Variants in CNTLN observed in about 807,000 individuals in gnomAD.
CNTLN encodes the protein centlein.
Under a neutral mutation model 180.0 loss-of-function variants are expected in CNTLN, and 212 were observed. The observed-to-expected ratio is 1.18, with a 90% CI of 1.05 to 1.32. CNTLN has a LOEUF of 1.32. Among genes scored for constraint, CNTLN ranks in the 40% most tolerant of loss-of-function variants. The probability of loss-of-function intolerance (pLI) is 0.00; values close to 1 mark genes in which losing one functional copy is unlikely to be tolerated. For missense variants in CNTLN, 2,095 were observed against 1,610.9 expected, an observed-to-expected ratio of 1.30 and a Z score of -5.14; for synonymous variants, 722 against 563.1, an observed-to-expected ratio of 1.28 and a Z score of -3.99.
In CNTLN at chr9:17,457,527, C is replaced by A. The variant is rs377419161; in HGVS notation, c.3118C>A (p.Leu1040Ile). 6 of 1,441,834 alleles carry A rather than the reference C, an allele frequency of 4.2e-6. No individual in the cohort carries two copies. The African/African-American group carries it at 7.4e-5, about 18-fold the overall frequency. 89.3% of individuals were successfully genotyped at this position (1,441,834 alleles called of 1,614,324 possible). ...FQTSRQTIKKLNLDLAGLRKE... is the reference protein window; with the variant it reads ...FQTSRQTIKKINLDLAGLRKE... ...ATTTTCTTTTTTTAAAAAAAAGAAG[C>A]TAAATTTGGATTTGGCTGGGCTTCG... The change falls in exon 19 of 26, where the codon CTA becomes ATA. Residue 1040 changes from leucine to isoleucine, a missense_variant. Physicochemically the swap from Leu to Ile is conservative, Grantham distance 5. Coordinates refer to ENST00000380647, the MANE Select transcript of CNTLN (RefSeq NM_017738.4).
intron 5 of CNTLN, among the ~76,000 whole-genome samples, chr9:17,244,164 T>C (rs1336447132): frequency 1.3e-5 from 2 of 151,944 alleles, no homozygotes; most frequent in Non-Finnish European, 2.9e-5. Context: ...AATATTTTTT[T>C]CACCCTTTTA....
intron 19 of CNTLN, among the ~76,000 whole-genome samples, chr9:17,461,841 A>G (rs1831466315): frequency 6.6e-6 from 1 of 151,752 alleles, no homozygotes; most frequent in Admixed American, 6.6e-5. Context: ...AAAACTAAAT[A>G]CCAAAAAGAC....
chr9:17,213,938 G>C (rs967703453), intron 2 of CNTLN, among the ~76,000 whole-genome samples: 7 of 151,788 alleles, frequency 4.6e-5, no homozygotes, highest in African/African-American at 9.7e-5. Context: ...TATTTTGAGC[G>C]TATGTGTGTC....
chr9:17,432,817 C>G (rs1030385019), intron 18 of CNTLN, among the ~76,000 whole-genome samples: 1 of 151,920 alleles, frequency 6.6e-6, no homozygotes, highest in African/African-American at 2.4e-5. Flanking sequence ...GTCATGAGTT[C>G]GAGACCAGCC....
rs1330320489 is a variant in CNTLN at position 17,417,408 on chromosome 9, G to GT, written c.3114+1227dup. On this transcript the variant is annotated intron_variant, in intron 18 of 25. Coordinates refer to ENST00000380647, the MANE Select transcript of CNTLN (RefSeq NM_017738.4). Reference sequence around the variant, plus strand: ...TATTATAAACTATCTGTATTCCTAGGTTTTTTTTGTGCAAATAGCAAAGTG... The same window carrying GT: ...TATTATAAACTATCTGTATTCCTAGGTTTTTTTTTGTGCAAATAGCAAAGTG... Among the ~76,000 whole-genome samples the GT allele has an allele frequency of 2.7e-5, 4 of 150,736 alleles. No homozygotes were observed. The South Asian group carries it at 6.3e-4, about 24-fold the overall frequency.
At chr9:17,256,377 C>T (rs549422275) in intron 5 of CNTLN, among the ~76,000 whole-genome samples, 23 of 152,028 alleles carry the variant, frequency 1.5e-4, no homozygotes, top group Admixed American at 8.5e-4. Context: ...TCAAACCTAC[C>T]AACAATGTAT....
chr9:17,309,442 T>A lies in CNTLN; in HGVS notation c.1341+190T>A, dbSNP rs1352553377. ...ATATTACATACAATACAAATTTATA[T>A]AGAAGTGCATGTAGAAGTACAGGGT... On this transcript the variant is annotated intron_variant, in intron 8 of 25. Transcript: ENST00000380647. Among the ~76,000 whole-genome samples the A allele has an allele frequency of 3.9e-5, 6 of 152,240 alleles. No individual in the cohort carries two copies. The South Asian group carries it at 1.0e-3, about 26-fold the overall frequency.
intron 12 of CNTLN, among the ~76,000 whole-genome samples, chr9:17,360,147 G>T (rs894609196): frequency 1.3e-4 from 20 of 152,078 alleles, no homozygotes; most frequent in Non-Finnish European, 2.1e-4. Context: ...ATTTTTCTAA[G>T]TTCAAAATAA....
chr9:17,295,164 T>C (rs1424703773), intron 6 of CNTLN, among the ~76,000 whole-genome samples: 1 of 151,924 alleles, frequency 6.6e-6, no homozygotes, highest in Non-Finnish European at 1.5e-5. Flanking sequence ...GAACTCTAGC[T>C]GGCCCGCAGG....
At chr9:17,347,540 A>T (rs1821997031) in intron 12 of CNTLN, among the ~76,000 whole-genome samples, 1 of 151,910 alleles carries the variant, frequency 6.6e-6, no homozygotes, top group African/African-American at 2.4e-5. Context: ...GTGGTGGCGC[A>T]CGCCTGTAAT....
intron 2 of CNTLN, among the ~76,000 whole-genome samples, chr9:17,196,725 T>C (rs1822156222): frequency 6.6e-6 from 1 of 151,838 alleles, no homozygotes; most frequent in African/African-American, 2.4e-5. Context: ...ATTTTTAATT[T>C]ATGTGGGTAC....
chr9:17,361,170 C>G (rs950718437), intron 12 of CNTLN, among the ~76,000 whole-genome samples: 1 of 152,164 alleles, frequency 6.6e-6, no homozygotes, highest in Non-Finnish European at 1.5e-5. Flanking sequence ...ATTAACTCCT[C>G]ATTTAGCATT....
chr9:17,152,208 G>A (rs149008089), intron 2 of CNTLN, among the ~76,000 whole-genome samples: 1 of 152,042 alleles, frequency 6.6e-6, no homozygotes, highest in East Asian at 1.9e-4. Flanking sequence ...GCTAGCTTTT[G>A]AATTTGTTTG....
At chr9:17,272,617 TG>T (rs574913216) in intron 5 of CNTLN, among the ~76,000 whole-genome samples, 36 of 152,322 alleles carry the variant, frequency 2.4e-4, no homozygotes, top group African/African-American at 8.2e-4. Flanking sequence ...GATTGAATCT[TG>T]AGATGAGCAG....
chr9:17,348,863 T>C (rs1030168421), intron 12 of CNTLN, among the ~76,000 whole-genome samples: 1 of 152,138 alleles, frequency 6.6e-6, no homozygotes, highest in Non-Finnish European at 1.5e-5. Context: ...GCATGGCTGC[T>C]TTTTGTTTTG....
intron 13 of CNTLN, among the ~76,000 whole-genome samples, chr9:17,367,769 A>G (rs1823953022): frequency 1.3e-5 from 2 of 152,094 alleles, no homozygotes; most frequent in African/African-American, 4.8e-5. Flanking sequence ...GGTGCCTTGA[A>G]GGCAAGGATG....
At chr9:17,248,177 G>A (rs1233083041) in intron 5 of CNTLN, among the ~76,000 whole-genome samples, 1 of 152,036 alleles carries the variant, frequency 6.6e-6, no homozygotes, top group Non-Finnish European at 1.5e-5. Flanking sequence ...TTTTTTTGAT[G>A]TTAAACCAAC....
chr9:17,452,467 G>A (rs76921947), intron 18 of CNTLN, among the ~76,000 whole-genome samples: 7,786 of 152,244 alleles, frequency 0.051, 690 homozygotes, highest in African/African-American at 0.18. Context: ...GGGAATACGG[G>A]GAGGGAAACA....
chr9:17,210,639 T>A (rs1279837716), intron 2 of CNTLN, among the ~76,000 whole-genome samples: 1 of 152,210 alleles, frequency 6.6e-6, no homozygotes, highest in Non-Finnish European at 1.5e-5. Context: ...CACCACACTG[T>A]CTTCCACAAT....
Sources: allele counts gnomAD v4.1 joint callset (sites outside exome capture counted in the v4.1 genomes callset), GRCh38; gene constraint gnomAD v4.1.1; transcripts MANE v1.5; gene names NCBI Gene and HGNC (gene_info 2026-07-23, HGNC 2026-07-21).